Variants in OR5B12 observed in about 807,000 individuals in gnomAD.
OR5B12 encodes the protein olfactory receptor family 5 subfamily B member 12, also known as olfactory receptor 5B12.
For missense variants in OR5B12, 418 were observed against 377.0 expected, an observed-to-expected ratio of 1.11 and a Z score of -0.90; for synonymous variants, 154 against 138.0, an observed-to-expected ratio of 1.12 and a Z score of -0.81.
rs1855471310 is a variant in OR5B12, at chr11:58,439,421, G to C, written c.731C>G (p.Thr244Ser). The stretch of plus-strand genomic sequence containing the variant: ...TGTCCCATAAAAGATGGAAACTGCA[G>C]TAAGGTGGGAAGCACAAGTAGAAAA... ...KAFSTCASHL[T>S]AVSIFYGTGI... The change falls in exon 2 of 2, where the codon ACT becomes AGT. Residue 244 changes from threonine to serine, a missense_variant. By Grantham distance (58) the Thr-to-Ser change is moderately conservative (BLOSUM62 1). Transcript: ENST00000641921. The C allele has an allele frequency of 1.2e-6, 2 of 1,613,960 alleles. No individual in the cohort carries two copies. Among genetic ancestry groups the C allele is most frequent in the African/African-American group, 2.7e-5 (2 of 74,924 alleles).
In OR5B12 at chr11:58,439,273, T is replaced by C; in HGVS notation, c.879A>G (p.Lys293=). 6.2e-6 allele frequency: 10 copies of C among 1,613,878 alleles called. No individual in the cohort carries two copies. Among genetic ancestry groups the C allele is most frequent in the Non-Finnish European group, 8.5e-6 (10 of 1,179,832 alleles). Residue 293 remains lysine (K), a synonymous_variant, in exon 2 of 2, where the codon AAA becomes AAG. Coordinates refer to ENST00000641921, the MANE Select transcript of OR5B12 (RefSeq NM_001004733.3). ...LNPLVYSLRN[K]EVKSAFKKTV... ...TCTTTTTAAAGGCACTCTTAACCTC[T>C]TTGTTCCTCAGGCTGTAGACCAGTG...
rs1394383313 is a variant in OR5B12, at chr11:58,439,648, T to C, written c.504A>G (p.Arg168=). The C allele has an allele frequency of 6.2e-7, 1 of 1,613,912 alleles. No homozygotes were observed. Among genetic ancestry groups the C allele is most frequent in the African/African-American group, 1.3e-5 (1 of 74,878 alleles). The stretch of plus-strand genomic sequence containing the variant: ...AGAAAAAGTGTTCAACTACATTGGA[T>C]CTACAGAAGGAGAGCCTGAAAGTGT... The part of the protein sequence containing the change: ...TGNTFRLSFC[R]SNVVEHFFCD... The change falls in exon 2 of 2, where the codon AGA becomes AGG. Residue 168 remains arginine, a synonymous_variant. Transcript: ENST00000641921.
rs1261467809 is a variant in OR5B12, at chr11:58,439,677, C to G, written c.475G>C (p.Gly159Arg). The G allele has an allele frequency of 1.2e-6, 2 of 1,613,972 alleles. No homozygotes were observed. The highest frequency in any genetic ancestry group is 2.2e-5 in the South Asian group (2 of 91,054). ...CAGAAGGAGAGCCTGAAAGTGTTCC[C>G]AGTATGAATGGATGCATTCAGGAAA... is the stretch of plus-strand genomic sequence containing the variant. ...CGFLNASIHT[G>R]NTFRLSFCRS... Residue 159 changes from glycine (G) to arginine (R), a missense_variant, in exon 2 of 2, where the codon GGG becomes CGG. Physicochemically the swap from Gly to Arg is moderately radical, Grantham distance 125. Transcript: ENST00000641921.
chr11:58,440,529 T>C (rs888517336), intron 1 of OR5B12, among the ~76,000 whole-genome samples: 2 of 152,222 alleles, frequency 1.3e-5, no homozygotes, highest in East Asian at 1.9e-4. Flanking sequence ...CAAAGAAAAA[T>C]TCCTTTAAAT....
Position 58,440,153 on chromosome 11 carries a change from G to A in OR5B12, c.-2C>T. 3 of 1,581,288 alleles carry A rather than the reference G, an allele frequency of 1.9e-6. No homozygotes were observed. The highest frequency in any genetic ancestry group is 2.6e-6 in the Non-Finnish European group (3 of 1,160,360). On this transcript the variant is annotated 5_prime_UTR_variant, in exon 2 of 2. Transcript: ENST00000641921. ...AGTCACCTCTGTGTTGTTCTCCATT[G>A]GGAATTATGTAGCTGCCCTGTAGAA...
Position 58,439,225 on chromosome 11 carries a change from A to G in OR5B12, c.927T>C (p.Ser309=), listed in dbSNP as rs1384974869. 1 of 1,574,124 alleles carries G rather than the reference A, an allele frequency of 6.4e-7. No homozygotes were observed. Among genetic ancestry groups the G allele is most frequent in the Non-Finnish European group, 8.7e-7 (1 of 1,152,078 alleles). ...TTTATAATTAAAATATGAATCCTAT[A>G]GAGGCCTTTGCCTTCCCTACAGTCT... ...FKKTVGKAKA[S]IGFIF The change falls in exon 2 of 2, where the codon TCT becomes TCC. Residue 309 remains serine (S), a synonymous_variant. Coordinates refer to ENST00000641921, the MANE Select transcript of OR5B12 (RefSeq NM_001004733.3).
rs1201909707 is a variant in OR5B12 at position 58,440,074 on chromosome 11, G to GA, written c.77dup (p.Ile27HisfsTer19). 1 of 1,614,090 alleles carries GA rather than the reference G, an allele frequency of 6.2e-7. No individual in the cohort carries two copies. ...TGAGGTAGATGAAAAGGAAGACTAT[G>GA]AAGAGTGGGATCTGCAGTTCTGGGT... On this transcript the variant is annotated frameshift_variant, in exon 2 of 2. Transcript: ENST00000641921. LOFTEE classifies it low-confidence loss of function (END_TRUNC).
Position 58,442,030 on chromosome 11 carries a change from T to C in OR5B12, c.-20+16A>G, listed in dbSNP as rs1412781706. On this transcript the variant is annotated intron_variant, in intron 1 of 1. Transcript: ENST00000641921. ...TGTAACTTTGTGCAGACAATAGATT[T>C]GATCCAGAGACTTACCTTTCTCCCT... 1 of 152,250 alleles carries C rather than the reference T, an allele frequency of 6.6e-6. No homozygotes were observed. The highest frequency in any genetic ancestry group is 2.4e-5 in the African/African-American group (1 of 41,474). The allele number at this position is 152,250 out of a possible 1,614,324, so 9.4% of individuals were successfully genotyped here. A position where few individuals can be genotyped will look rare whatever the true frequency, so the allele number is the denominator to read the frequency against.
chr11:58,441,071 T>C (rs1020493206), intron 1 of OR5B12, among the ~76,000 whole-genome samples: 6 of 152,026 alleles, frequency 3.9e-5, no homozygotes, highest in Admixed American at 6.6e-5. Flanking sequence ...GTGTGATAGA[T>C]GTTAATCACA....
chr11:58,440,193 T>C, intron 1 of OR5B12, 23 bp from the exon 2 acceptor site: 1 of 1,386,372 alleles, frequency 7.2e-7, no homozygotes, highest in Non-Finnish European at 9.9e-7. Context: ...AAAGGCAGAA[T>C]CAGAATGATA....
In OR5B12 at chr11:58,439,626, A is replaced by G. The variant is rs1855476490; in HGVS notation, c.526T>C (p.Phe176Leu). 1 of 1,614,006 alleles carries G rather than the reference A, an allele frequency of 6.2e-7. No individual in the cohort carries two copies. Among genetic ancestry groups the G allele is most frequent in the African/African-American group, 1.3e-5 (1 of 74,936 alleles). The part of the protein sequence containing the change: ...FCRSNVVEHF[F>L]CDAPPLLTLS... ...GTCAAGAGAGGAGGAGCATCACAGA[A>G]AAAGTGTTCAACTACATTGGATCTA... Residue 176 changes from phenylalanine (F) to leucine (L), a missense_variant, in exon 2 of 2, where the codon TTC (phenylalanine) becomes CTC (leucine). Coordinates refer to ENST00000641921, the MANE Select transcript of OR5B12 (RefSeq NM_001004733.3).
Position 58,440,042 on chromosome 11 carries a change from A to C in OR5B12, c.110T>G (p.Leu37Arg). Residue 37 changes from leucine to arginine, a missense_variant, in exon 2 of 2, where the codon CTG (leucine) becomes CGG (arginine). Leu to Arg is a moderately radical substitution (Grantham distance 102). Transcript: ENST00000641921. ...TTCAATCATCCCCAGGTTCCCAACC[A>C]GAGTGATGAGGTAGATGAAAAGGAA... ...IVFLFIYLIT[L>R]VGNLGMIELI... The C allele has an allele frequency of 6.2e-7, 1 of 1,614,128 alleles. No individual in the cohort carries two copies. The highest frequency in any genetic ancestry group is 8.5e-7 in the Non-Finnish European group (1 of 1,179,966).
chr11:58,440,625 T>C lies in OR5B12; in HGVS notation c.-19-455A>G, dbSNP rs1396681661. Among the ~76,000 whole-genome samples the C allele has an allele frequency of 2.0e-5, 3 of 152,240 alleles. No homozygotes were observed. The East Asian group carries it at 5.8e-4, about 29-fold the overall frequency. On this transcript the variant is annotated intron_variant, in intron 1 of 1. Coordinates refer to ENST00000641921, the MANE Select transcript of OR5B12 (RefSeq NM_001004733.3). ...GATGGAGTAATTAAATCTATCATTG[T>C]AAGTCAATGTGAAGAATGGAATAGC...
At position 58,439,949 on chromosome 11, in the gene OR5B12, T is replaced by C. The variant is rs1855482734; in HGVS notation, c.203A>G (p.Asp68Gly). 6.2e-6 allele frequency: 10 copies of C among 1,614,052 alleles called. No homozygotes were observed. The highest frequency in any genetic ancestry group is 7.6e-6 in the Non-Finnish European group (9 of 1,180,008). ...AGTGACAGCTGAGGAATAACCAAAGTCCACCAGGGAGAGGTTACTGAGGAA... is the reference window on the plus strand; with the variant it reads ...AGTGACAGCTGAGGAATAACCAAAGCCCACCAGGGAGAGGTTACTGAGGAA... The part of the protein sequence containing the change: ...YFFLSNLSLV[D>G]FGYSSAVTPK... Residue 68 changes from aspartate to glycine, a missense_variant, in exon 2 of 2, where the codon GAC (aspartate) becomes GGC (glycine). Coordinates refer to ENST00000641921, the MANE Select transcript of OR5B12 (RefSeq NM_001004733.3).
At position 58,439,348 on chromosome 11, in the gene OR5B12, T is replaced by C; in HGVS notation, c.804A>G (p.Thr268=). Residue 268 remains threonine, a synonymous_variant, in exon 2 of 2, where the codon ACA becomes ACG. Transcript: ENST00000641921. ...LRPNSSHFMG[T]DKMASVFYAI... ...CATAGAACACAGATGCCATTTTGTC[T>C]GTGCCCATGAAATGGCTGGAGTTAG... 1.9e-6 allele frequency: 3 copies of C among 1,614,068 alleles called. No individual in the cohort carries two copies. Among genetic ancestry groups the C allele is most frequent in the South Asian group, 2.2e-5 (2 of 91,084 alleles).
At chr11:58,441,638 T>C (rs1855502023) in intron 1 of OR5B12, among the ~76,000 whole-genome samples, 2 of 152,156 alleles carry the variant, frequency 1.3e-5, no homozygotes, top group African/African-American at 4.8e-5. Flanking sequence ...ATGCTACAAA[T>C]GGAAAATTCC....
At position 58,439,286 on chromosome 11, in the gene OR5B12, C is replaced by T. The variant is rs1855469247; in HGVS notation, c.866G>A (p.Ser289Asn). The T allele has an allele frequency of 3.1e-6, 5 of 1,613,876 alleles. No individual in the cohort carries two copies. The highest frequency in any genetic ancestry group is 3.4e-6 in the Non-Finnish European group (4 of 1,179,854). Reference sequence around the variant, plus strand: ...ACTCTTAACCTCTTTGTTCCTCAGGCTGTAGACCAGTGGATTCAACATGGG... The same window carrying T: ...ACTCTTAACCTCTTTGTTCCTCAGGTTGTAGACCAGTGGATTCAACATGGG... ...VIPMLNPLVYSLRNKEVKSAF... is the reference protein window; with the variant it reads ...VIPMLNPLVYNLRNKEVKSAF... The change falls in exon 2 of 2, where the codon AGC (serine) becomes AAC (asparagine). Residue 289 changes from serine (S) to asparagine (N), a missense_variant. By Grantham distance (46) the Ser-to-Asn change is conservative. Coordinates refer to ENST00000641921, the MANE Select transcript of OR5B12 (RefSeq NM_001004733.3).
chr11:58,441,223 A>G (rs576795790), intron 1 of OR5B12, among the ~76,000 whole-genome samples: 1 of 152,116 alleles, frequency 6.6e-6, no homozygotes, highest in Non-Finnish European at 1.5e-5. Flanking sequence ...GTAATTTTGC[A>G]CATCTCTATT....
Position 58,442,226 on chromosome 11 carries a change from CT to C in OR5B12, c.-201del, listed in dbSNP as rs1248457266. On this transcript the variant is annotated 5_prime_UTR_variant, in exon 1 of 2. Transcript: ENST00000641921. ...GAAATTGAAAGAAAAATGCTATTGG[CT>C]TTGGAATCAGCTAGCAAGAGCTCTA... 2.0e-5 allele frequency: 3 copies of C among 152,160 alleles called. No individual in the cohort carries two copies. The highest frequency in any genetic ancestry group is 4.4e-5 in the Non-Finnish European group (3 of 68,022). The allele number at this position is 152,160 out of a possible 1,614,324, so 9.4% of individuals were successfully genotyped here.
Sources: gnomAD v4.1 joint callset for allele counts (sites outside exome capture counted in the v4.1 genomes callset) on GRCh38, gnomAD v4.1.1 for gene constraint, MANE v1.5 for transcripts, NCBI Gene and HGNC (gene_info 2026-07-23, HGNC 2026-07-21) for gene names.